The following SCN7A variants were observed in gnomAD, a reference collection of about 807,000 sequenced individuals.
SCN7A encodes sodium voltage-gated channel alpha subunit 7.
In SCN7A, 138 loss-of-function variants were observed where a neutral mutation model predicts 155.2. That is an observed-to-expected ratio of 0.89 (90% CI 0.77 to 1.02). SCN7A has a LOEUF of 1.02. SCN7A is among the 50% of genes least tolerant of loss of function. The probability of loss-of-function intolerance (pLI) is 0.00; values close to 1 mark genes in which losing one functional copy is unlikely to be tolerated. For synonymous variants in SCN7A, 693 were observed against 649.0 expected (o/e 1.07, Z -1.03); for missense variants, 2,058 against 1,986.6 (o/e 1.04, Z -0.68).
Position 166,421,078 on chromosome 2 carries a change from G to A in SCN7A, c.3135+112C>T, listed in dbSNP as rs1575011330. The A allele has an allele frequency of 2.7e-5, 18 of 656,370 alleles. No individual in the cohort carries two copies. The East Asian group carries it at 4.5e-4, about 16-fold the overall frequency. 40.7% of individuals were successfully genotyped at this position (656,370 alleles called of 1,614,324 possible). A position where few individuals can be genotyped will look rare whatever the true frequency, so the allele number is the denominator to read the frequency against. The stretch of plus-strand genomic sequence containing the variant: ...AGCAATGAAACGTAAAGTTTTTGTT[G>A]TATTAATACTGTTAAAGGTACAAAC... On this transcript the variant is annotated intron_variant, in intron 20 of 25. Coordinates refer to ENST00000643258, the MANE Select transcript of SCN7A (RefSeq NM_002976.4).
chr2:166,482,142 C>T (rs1040638879), intron 2 of SCN7A, among the ~76,000 whole-genome samples: 7 of 152,194 alleles, frequency 4.6e-5, no homozygotes, highest in Middle Eastern at 3.4e-3. Flanking sequence ...AAAAGTCTGA[C>T]TGAAATATTA....
chr2:166,465,887 C>T lies in SCN7A; in HGVS notation c.765G>A (p.Gly255=), dbSNP rs367572279. Residue 255 remains glycine (G), a synonymous_variant, in exon 8 of 26, where the codon GGG becomes GGA. Coordinates refer to ENST00000643258, the MANE Select transcript of SCN7A (RefSeq NM_002976.4). ...LFFLSIFSLI[G]MGLFMGNLKH... is the part of the protein sequence containing the mutation. Reference sequence around the variant, plus strand: ...TCAAGTTGCCCATGAAGAGCCCCATCCCAATTAGAGAAAATATGCTCAGAA... The same window carrying T: ...TCAAGTTGCCCATGAAGAGCCCCATTCCAATTAGAGAAAATATGCTCAGAA... The T allele has an allele frequency of 3.1e-6, 5 of 1,613,728 alleles. No homozygotes were observed. In the African/African-American group the frequency reaches 4.0e-5, roughly 13 times the overall value.
At chr2:166,471,971 T>G (rs1702667326) in intron 6 of SCN7A, among the ~76,000 whole-genome samples, 1 of 152,040 alleles carries the variant, frequency 6.6e-6, no homozygotes, top group Admixed American at 6.6e-5. Context: ...CATTCTTTTT[T>G]TATTATTATA....
chr2:166,485,146 A>G (rs1176113674), intron 2 of SCN7A, among the ~76,000 whole-genome samples: 1 of 152,200 alleles, frequency 6.6e-6, no homozygotes, highest in African/African-American at 2.4e-5. Flanking sequence ...GAAAGATTAC[A>G]AACTATATGA....
intron 15 of SCN7A, among the ~76,000 whole-genome samples, chr2:166,438,270 C>A (rs574408214): frequency 6.6e-6 from 1 of 152,114 alleles, no homozygotes; most frequent in South Asian, 2.1e-4. Context: ...ATGCACTTCT[C>A]CTTGCTGCCA....
rs1049822175 is a variant in SCN7A, at chr2:166,427,721, C to A, written c.2853+67G>T. The stretch of plus-strand genomic sequence containing the variant: ...GAAATGTAATCCTGGTTTTGACTTT[C>A]TGAATTAACAGAATCATGATACATT... On this transcript the variant is annotated intron_variant, in intron 18 of 25. Coordinates refer to ENST00000643258, the MANE Select transcript of SCN7A (RefSeq NM_002976.4). 4.2e-6 allele frequency: 6 copies of A among 1,419,342 alleles called. No individual in the cohort carries two copies. The African/African-American group carries it at 8.5e-5, about 20-fold the overall frequency. The allele number at this position is 1,419,342 out of a possible 1,614,324, so 87.9% of individuals were successfully genotyped here.
chr2:166,469,534 T>C (rs1450008520), intron 7 of SCN7A, among the ~76,000 whole-genome samples: 1 of 151,896 alleles, frequency 6.6e-6, no homozygotes, highest in Non-Finnish European at 1.5e-5. Flanking sequence ...ATTGCTGGTA[T>C]GTGTCTAGTA....
chr2:166,471,594 TTTAAA>T (rs942354795), intron 6 of SCN7A, among the ~76,000 whole-genome samples: 2 of 151,806 alleles, frequency 1.3e-5, no homozygotes, highest in African/African-American at 2.4e-5. Context: ...AGAAAATTAC[TTTAAA>T]TTATTTTTAA....
Position 166,462,550 on chromosome 2 carries a change from A to G in SCN7A, c.942-20T>C. The G allele has an allele frequency of 6.2e-7, 1 of 1,610,674 alleles. No individual in the cohort carries two copies. The highest frequency in any genetic ancestry group is 2.2e-5 in the East Asian group (1 of 44,820). On this transcript the variant is annotated intron_variant, in intron 9 of 25. Transcript: ENST00000643258. ...CACTGACTAAAGAAGACAAAGAAAA[A>G]AACCTGCTTACTATTAGGTGACTAT... is the stretch of plus-strand genomic sequence containing the variant.
At chr2:166,488,729 C>T (rs1703108944) in intron 1 of SCN7A, among the ~76,000 whole-genome samples, 1 of 151,920 alleles carries the variant, frequency 6.6e-6, no homozygotes, top group Admixed American at 6.6e-5. Flanking sequence ...CCTACGCCTC[C>T]CTGAGTCAAG....
intron 2 of SCN7A, among the ~76,000 whole-genome samples, chr2:166,480,457 C>CA (rs71031251): frequency 9.6e-4 from 126 of 130,872 alleles, no homozygotes; most frequent in East Asian, 2.8e-3. Context: ...GACTCCGTCT[C>CA]AAAAAAAAAA....
chr2:166,488,179 A>G (rs1400475150), intron 1 of SCN7A, among the ~76,000 whole-genome samples: 1 of 152,198 alleles, frequency 6.6e-6, no homozygotes, highest in Non-Finnish European at 1.5e-5. Context: ...TGGTTTGGGC[A>G]ACTTGACTGC....
At chr2:166,429,069 G>C (rs1051067783) in intron 17 of SCN7A, 100 bp downstream of exon 17, 6 of 600,578 alleles carry the variant, frequency 1.0e-5, no homozygotes. Flanking sequence ...AATGTATAAA[G>C]ATTCAGTCAA....
chr2:166,414,274 A>C (rs1172640067), intron 21 of SCN7A, among the ~76,000 whole-genome samples: 28 of 27,794 alleles, frequency 1.0e-3, no homozygotes, highest in African/African-American at 3.1e-3. Flanking sequence ...ACACACACAT[A>C]TATATATATA....
At position 166,476,035 on chromosome 2, in the gene SCN7A, C is replaced by T. The variant is rs141264925; in HGVS notation, c.234+1428G>A. Among the ~76,000 whole-genome samples, 100 of 151,924 alleles carry T rather than the reference C, an allele frequency of 6.6e-4. 1 individual carries two copies. The highest frequency in any genetic ancestry group is 2.3e-3 in the African/African-American group (94 of 41,496). On this transcript the variant is annotated intron_variant, in intron 3 of 25. Transcript: ENST00000643258. ...TACACCTATCCCTACAGTTACTGTG[C>T]CATATCAATTATTATGACATAAACA...
At chr2:166,413,253 T>C in intron 21 of SCN7A, 132 bp from the exon 22 acceptor site, 15 of 443,012 alleles carry the variant, frequency 3.4e-5, no homozygotes, top group South Asian at 6.8e-5. Flanking sequence ...ATTGGGATCC[T>C]TAACATTTTC....
At chr2:166,440,712 A>T (rs1041957671) in intron 15 of SCN7A, 2 of 152,150 alleles carry the variant, frequency 1.3e-5, no homozygotes, top group African/African-American at 4.8e-5. Flanking sequence ...AAATAAAGGG[A>T]GACTATTGTA....
rs750574406 is a variant in SCN7A, at chr2:166,432,317, C to A, written c.2592+1G>T. On this transcript the variant is annotated splice_donor_variant, in intron 16 of 25. Coordinates refer to ENST00000643258, the MANE Select transcript of SCN7A (RefSeq NM_002976.4). LOFTEE classifies it high-confidence loss of function. ...GCAATCAGGATATTTAAACATCTTA[C>A]CTCTTTGCTGCCTCCATCACCAGAC... is the stretch of plus-strand genomic sequence containing the variant. 2.5e-6 allele frequency: 4 copies of A among 1,596,866 alleles called. No homozygotes were observed. Among genetic ancestry groups the A allele is most frequent in the Middle Eastern group, 1.7e-4 (1 of 5,922 alleles).
intron 7 of SCN7A, among the ~76,000 whole-genome samples, chr2:166,469,477 A>C (rs1375926163): frequency 6.6e-6 from 1 of 151,810 alleles, no homozygotes; most frequent in Non-Finnish European, 1.5e-5. Flanking sequence ...TTTCTATTAA[A>C]TATATGTTTC....
Sources: allele counts gnomAD v4.1 joint callset (sites outside exome capture counted in the v4.1 genomes callset), GRCh38; gene constraint gnomAD v4.1.1; transcripts MANE v1.5; gene names NCBI Gene and HGNC (gene_info 2026-07-23, HGNC 2026-07-21).